The following LRP6 variants were observed in gnomAD, a reference collection of about 807,000 sequenced individuals.
The protein encoded by LRP6 is low-density lipoprotein receptor-related protein 6.
LRP6 carries 43 observed loss-of-function variants against 184.1 expected under a neutral mutation model. The observed-to-expected ratio is 0.23, with a 90% CI of 0.18 to 0.30. The LOEUF (loss-of-function observed/expected upper bound fraction) is 0.30. Among genes scored for constraint, LRP6 ranks in the 10% least tolerant of loss-of-function variants. The pLI is 1.00. For missense variants in LRP6, 1,571 were observed against 2,005.3 expected, an observed-to-expected ratio of 0.78 and a Z score of 4.14; for synonymous variants, 719 against 684.9, an observed-to-expected ratio of 1.05 and a Z score of -0.78.
intron 20 of LRP6, among the ~76,000 whole-genome samples, chr12:12,126,450 G>A (rs936067880): frequency 6.6e-6 from 1 of 152,178 alleles, no homozygotes; most frequent in Non-Finnish European, 1.5e-5. Context: ...CAGTCAGAGA[G>A]GCTTAGAGCT....
intron 16 of LRP6, among the ~76,000 whole-genome samples, chr12:12,137,678 A>G (rs896567652): frequency 2.6e-5 from 4 of 152,124 alleles, no homozygotes; most frequent in African/African-American, 9.7e-5. Context: ...AAGAAAAGAA[A>G]TAGATGCTTT....
chr12:12,247,138 T>C (rs1180624889), intron 1 of LRP6, among the ~76,000 whole-genome samples: 1 of 152,098 alleles, frequency 6.6e-6, no homozygotes, highest in Non-Finnish European at 1.5e-5. Context: ...CTATACTGAG[T>C]CTCTCATACT....
At chr12:12,190,081 T>C (rs1332318771) in intron 3 of LRP6, among the ~76,000 whole-genome samples, 2 of 152,134 alleles carry the variant, frequency 1.3e-5, no homozygotes, top group Non-Finnish European at 2.9e-5. Context: ...TTTAAGAAAA[T>C]ATGTAATTAA....
intron 1 of LRP6, among the ~76,000 whole-genome samples, chr12:12,256,748 G>A (rs1045000192): frequency 6.6e-6 from 1 of 152,220 alleles, no homozygotes; most frequent in African/African-American, 2.4e-5. Context: ...AGAGGTTGCA[G>A]TGAGCAGAGA....
At chr12:12,240,498 G>A (rs1157349834) in intron 2 of LRP6, among the ~76,000 whole-genome samples, 1 of 152,130 alleles carries the variant, frequency 6.6e-6, no homozygotes, top group African/African-American at 2.4e-5. Context: ...TGTGAACCCA[G>A]GAGGCGGAGC....
intron 1 of LRP6, among the ~76,000 whole-genome samples, chr12:12,251,680 T>C (rs1865329559): frequency 1.3e-5 from 2 of 152,164 alleles, no homozygotes; most frequent in Admixed American, 6.5e-5. Flanking sequence ...TTAGTCTGCT[T>C]TTAATAAAGA....
chr12:12,264,922 A>G (rs1452961053), intron 1 of LRP6, among the ~76,000 whole-genome samples: 4 of 152,216 alleles, frequency 2.6e-5, no homozygotes, highest in African/African-American at 4.8e-5. Context: ...TGTTACATAA[A>G]TAAGTGCAAC....
intron 2 of LRP6, among the ~76,000 whole-genome samples, chr12:12,207,870 A>C (rs2137053435): frequency 6.6e-6 from 1 of 152,346 alleles, no homozygotes; most frequent in East Asian, 1.9e-4. Flanking sequence ...GTGTTCAGGA[A>C]CAACCTTTAA....
At chr12:12,213,907 T>C (rs1864275303) in intron 2 of LRP6, among the ~76,000 whole-genome samples, 1 of 152,188 alleles carries the variant, frequency 6.6e-6, no homozygotes, top group African/African-American at 2.4e-5. Context: ...AATTTTCATC[T>C]GCAAAGTGAA....
At chr12:12,128,133 C>G (rs897773504) in intron 19 of LRP6, among the ~76,000 whole-genome samples, 4 of 152,160 alleles carry the variant, frequency 2.6e-5, no homozygotes, top group Admixed American at 1.3e-4. Flanking sequence ...TGCACTGAAA[C>G]TTTTCTGTCA....
At chr12:12,266,654 A>G in intron 1 of LRP6, 27 bp downstream of exon 1, 1 of 1,605,750 alleles carries the variant, frequency 6.2e-7, no homozygotes, top group Non-Finnish European at 8.5e-7. Flanking sequence ...AACCCCACCA[A>G]CTTTCCAGTG....
intron 13 of LRP6, among the ~76,000 whole-genome samples, chr12:12,150,288 A>G (rs1374285384): frequency 6.6e-6 from 1 of 152,160 alleles, no homozygotes; most frequent in Non-Finnish European, 1.5e-5. Context: ...ATGACCAAAA[A>G]AACCCACTGG....
intron 2 of LRP6, among the ~76,000 whole-genome samples, chr12:12,239,979 TGA>T (rs1865020201): frequency 6.6e-6 from 1 of 150,384 alleles, no homozygotes; most frequent in African/African-American, 2.4e-5. Flanking sequence ...TAAAACTGGA[TGA>T]GAGTTAAGAT....
At chr12:12,133,185 T>C (rs1949781312) in intron 17 of LRP6, among the ~76,000 whole-genome samples, 1 of 152,192 alleles carries the variant, frequency 6.6e-6, no homozygotes, top group Admixed American at 6.5e-5. Context: ...AAGAAACTAA[T>C]AAACATAAAA....
At chr12:12,234,404 C>T (rs566193478) in intron 2 of LRP6, among the ~76,000 whole-genome samples, 104 of 151,786 alleles carry the variant, frequency 6.9e-4, no homozygotes, top group African/African-American at 2.5e-3. Context: ...GAGCCCAGAT[C>T]GTGCCACTAC....
chr12:12,129,399 C>G (rs1350435676), intron 19 of LRP6, among the ~76,000 whole-genome samples: 1 of 152,176 alleles, frequency 6.6e-6, no homozygotes, highest in East Asian at 1.9e-4. Context: ...CACCCCTCAA[C>G]AGAGCCTGTA....
chr12:12,199,857 A>G (rs1591939689), intron 3 of LRP6, among the ~76,000 whole-genome samples: 1 of 149,732 alleles, frequency 6.7e-6, no homozygotes, highest in Non-Finnish European at 1.5e-5. Flanking sequence ...CCAGCTACTC[A>G]GAAGGCTGAG....
At chr12:12,244,198 G>T in intron 2 of LRP6, 64 bp downstream of exon 2, 1 of 1,506,536 alleles carries the variant, frequency 6.6e-7, no homozygotes, top group Non-Finnish European at 9.2e-7. Flanking sequence ...TCAGGGTGGT[G>T]TATGTCAGTG....
chr12:12,231,986 G>C (rs1454920851), intron 2 of LRP6, among the ~76,000 whole-genome samples: 1 of 149,986 alleles, frequency 6.7e-6, no homozygotes, highest in Non-Finnish European at 1.5e-5. Context: ...CTGACGAAGC[G>C]AGACCCTGCC....
Sources: gnomAD v4.1 joint callset for allele counts (sites outside exome capture counted in the v4.1 genomes callset) on GRCh38, gnomAD v4.1.1 for gene constraint, MANE v1.5 for transcripts, NCBI Gene and HGNC (gene_info 2026-07-23, HGNC 2026-07-21) for gene names.